GALK2: variants seen among roughly 807,000 people sequenced by gnomAD.
The protein encoded by GALK2 is N-acetylgalactosamine kinase.
In GALK2, 36 loss-of-function variants were observed where a neutral mutation model predicts 52.4. That is an observed-to-expected ratio of 0.69 (90% CI 0.53 to 0.91). The LOEUF (loss-of-function observed/expected upper bound fraction) is 0.91. Ranked by LOEUF, GALK2 falls within the 40% of genes least tolerant of loss-of-function variation. GALK2 has a pLI of 0.00. For synonymous variants in GALK2, 176 were observed against 199.1 expected, an observed-to-expected ratio of 0.88 and a Z score of 0.98; for missense variants, 579 against 559.1, an observed-to-expected ratio of 1.04 and a Z score of -0.36.
intron 1 of GALK2, among the ~76,000 whole-genome samples, chr15:49,171,210 G>A (rs552542072): frequency 6.6e-6 from 1 of 151,564 alleles, no homozygotes; most frequent in Admixed American, 6.6e-5. Context: ...AGCCTCCTGA[G>A]TAGGTGGGAT....
At position 49,268,216 on chromosome 15, in the gene GALK2, A is replaced by T. The variant is rs540664321; in HGVS notation, c.505-13771A>T. ...GGAGGAAGACTAATATTAAACAAAC[A>T]TACACAAATATCTGTACACAGATTG... is the stretch of plus-strand genomic sequence containing the variant. On this transcript the variant is annotated intron_variant, in intron 5 of 9. Coordinates refer to ENST00000560031, the MANE Select transcript of GALK2 (RefSeq NM_002044.4). 5.3e-5 allele frequency among the ~76,000 whole-genome samples: 8 copies of T among 152,346 alleles called. No individual in the cohort carries two copies. The East Asian group carries it at 1.5e-3, about 29-fold the overall frequency.
intron 6 of GALK2, 61 bp from the exon 7 acceptor site, chr15:49,283,505 C>A: frequency 7.1e-7 from 1 of 1,399,824 alleles, no homozygotes. Flanking sequence ...AATACATAAA[C>A]ACTTGAACAT....
At chr15:49,313,382 C>G (rs1022505295) in intron 8 of GALK2, among the ~76,000 whole-genome samples, 1 of 152,196 alleles carries the variant, frequency 6.6e-6, no homozygotes, top group Admixed American at 6.5e-5. Context: ...GAGCCAGATT[C>G]TGGTCAGCTT....
intron 2 of GALK2, 30 bp from the exon 3 acceptor site, chr15:49,217,160 A>G: frequency 1.3e-6 from 2 of 1,588,740 alleles, no homozygotes; most frequent in Non-Finnish European, 8.6e-7. Flanking sequence ...TATATTAGCA[A>G]TGATTAAAAA....
chr15:49,328,353 G>A lies in GALK2; in HGVS notation c.*194G>A. ...TGATTCTTTTTCCATCTTAAAATAT[G>A]GTTTTACTATTAAGAGCCAAGATCA... On this transcript the variant is annotated 3_prime_UTR_variant, in exon 10 of 10. Coordinates refer to ENST00000560031, the MANE Select transcript of GALK2 (RefSeq NM_002044.4). 7.0e-7 allele frequency: 1 copy of A among 1,426,156 alleles called. No homozygotes were observed. The highest frequency in any genetic ancestry group is 9.1e-7 in the Non-Finnish European group (1 of 1,093,752). The allele number at this position is 1,426,156 out of a possible 1,614,324, so 88.3% of individuals were successfully genotyped here.
chr15:49,315,402 A>G (rs2036320013), intron 8 of GALK2, among the ~76,000 whole-genome samples: 1 of 152,230 alleles, frequency 6.6e-6, no homozygotes, highest in African/African-American at 2.4e-5. Context: ...CTATAATGTT[A>G]GCTGGACAGG....
chr15:49,295,870 T>A (rs2034431386), intron 8 of GALK2, among the ~76,000 whole-genome samples: 1 of 152,206 alleles, frequency 6.6e-6, no homozygotes, highest in Non-Finnish European at 1.5e-5. Flanking sequence ...TTGCTCTGTA[T>A]CCATCTTCCT....
upstream of GALK2, among the ~76,000 whole-genome samples, chr15:49,166,023 C>T (rs768745479): frequency 6.6e-6 from 1 of 151,898 alleles, no homozygotes; most frequent in African/African-American, 2.4e-5. Flanking sequence ...AGGATGGTCT[C>T]GATCTCCCGA....
At chr15:49,274,499 C>T (rs950762714) in intron 5 of GALK2, among the ~76,000 whole-genome samples, 3 of 152,122 alleles carry the variant, frequency 2.0e-5, no homozygotes, top group Non-Finnish European at 4.4e-5. Flanking sequence ...AATGTGAAGG[C>T]GCAGGACATG....
At chr15:49,352,704 T>C (rs1327818712) in intron 3 of GALK2, among the ~76,000 whole-genome samples, 1 of 152,144 alleles carries the variant, frequency 6.6e-6, no homozygotes, top group Non-Finnish European at 1.5e-5. Flanking sequence ...AGTGAACAAA[T>C]TAAAATAGCT....
At chr15:49,269,687 C>G (rs1224460864) in intron 5 of GALK2, among the ~76,000 whole-genome samples, 4 of 152,144 alleles carry the variant, frequency 2.6e-5, no homozygotes, top group African/African-American at 7.2e-5. Flanking sequence ...GGGGCCCTCT[C>G]CCTATGTGCA....
At chr15:49,361,385 C>G (rs577518864) in intron 3 of GALK2, among the ~76,000 whole-genome samples, 1 of 151,940 alleles carries the variant, frequency 6.6e-6, no homozygotes, top group Non-Finnish European at 1.5e-5. Context: ...TTTTTTGATC[C>G]TCACCCTCCT....
At chr15:49,336,463 T>C (rs992899066), downstream of GALK2, among the ~76,000 whole-genome samples, 3 of 152,194 alleles carry the variant, frequency 2.0e-5, no homozygotes, top group Non-Finnish European at 4.4e-5. Context: ...CACTAGGAGC[T>C]CTTAAACCTC....
chr15:49,249,483 C>T (rs1268566213), intron 5 of GALK2, among the ~76,000 whole-genome samples: 1 of 152,186 alleles, frequency 6.6e-6, no homozygotes, highest in Admixed American at 6.5e-5. Flanking sequence ...ACCTACAGTT[C>T]TCTGACCTTC....
At chr15:49,321,151 CTCTT>C (rs2151087731) in intron 9 of GALK2, among the ~76,000 whole-genome samples, 1 of 152,294 alleles carries the variant, frequency 6.6e-6, no homozygotes, top group East Asian at 1.9e-4. Flanking sequence ...TGGGTGGGTA[CTCTT>C]TCTGTGGAGT....
intron 3 of GALK2, among the ~76,000 whole-genome samples, chr15:49,230,275 TC>T (rs1314154175): frequency 1.3e-5 from 2 of 152,150 alleles, no homozygotes; most frequent in African/African-American, 4.8e-5. Context: ...TCCAAGTAGT[TC>T]CTCTGTCAGT....
intron 1 of GALK2, among the ~76,000 whole-genome samples, chr15:49,192,975 G>C (rs1298349900): frequency 7.2e-6 from 1 of 139,484 alleles, no homozygotes; most frequent in Non-Finnish European, 1.6e-5. Flanking sequence ...ACTATCTTTT[G>C]TTATGAATTT....
At chr15:49,259,286 C>G (rs1012963158) in intron 5 of GALK2, among the ~76,000 whole-genome samples, 1 of 150,426 alleles carries the variant, frequency 6.6e-6, no homozygotes, top group Non-Finnish European at 1.5e-5. Flanking sequence ...GTGCTGCACC[C>G]ATTAACTCCT....
intron 3 of GALK2, among the ~76,000 whole-genome samples, chr15:49,345,225 TTTTA>T (rs1427845326): frequency 1.3e-5 from 2 of 152,222 alleles, no homozygotes; most frequent in Non-Finnish European, 2.9e-5. Flanking sequence ...AAGAATTATG[TTTTA>T]TTTCTTATAA....
Sources: gnomAD v4.1 joint callset for allele counts (sites outside exome capture counted in the v4.1 genomes callset) on GRCh38, gnomAD v4.1.1 for gene constraint, MANE v1.5 for transcripts, NCBI Gene and HGNC (gene_info 2026-07-23, HGNC 2026-07-21) for gene names.